DGKD: variants seen among roughly 807,000 people sequenced by gnomAD.
DGKD encodes the protein diacylglycerol kinase delta.
In DGKD, 68 loss-of-function variants were observed where a neutral mutation model predicts 154.4. The ratio of observed to expected loss-of-function variants is 0.44; its 90% confidence interval spans 0.36 to 0.54. DGKD has a LOEUF of 0.54. Among genes scored for constraint, DGKD ranks in the 20% least tolerant of loss-of-function variants. The pLI, the probability that DGKD is intolerant of heterozygous loss-of-function variation, is 0.00. For synonymous variants in DGKD, 693 were observed against 638.0 expected (o/e 1.09, Z -1.30); for missense variants, 1,343 against 1,593.6 (o/e 0.84, Z 2.68).
intron 3 of DGKD, among the ~76,000 whole-genome samples, chr2:233,392,762 C>T (rs1390473259): frequency 1.3e-5 from 2 of 152,120 alleles, no homozygotes; most frequent in East Asian, 1.9e-4. Flanking sequence ...GCATTTTGAT[C>T]ATTTTTTGAA....
chr2:233,450,759 C>G (rs1029932511), intron 16 of DGKD, among the ~76,000 whole-genome samples, 163 bp from the exon 17 acceptor site: 1 of 152,176 alleles, frequency 6.6e-6, no homozygotes, highest in Admixed American at 6.5e-5. Context: ...TGCACCCACT[C>G]GGTCCTCCGC....
intron 1 of DGKD, among the ~76,000 whole-genome samples, chr2:233,363,322 T>C (rs184272766): frequency 6.6e-6 from 1 of 152,202 alleles, no homozygotes; most frequent in Admixed American, 6.5e-5. Context: ...TTAACAAAAA[T>C]ATTTAAGAAG....
At chr2:233,418,014 G>A (rs1204505464) in intron 3 of DGKD, among the ~76,000 whole-genome samples, 3 of 152,158 alleles carry the variant, frequency 2.0e-5, no homozygotes, top group South Asian at 2.1e-4. Context: ...TAGTTATGGG[G>A]CCTTTTTCTG....
At chr2:233,425,160 A>T (rs1304967749) in intron 3 of DGKD, among the ~76,000 whole-genome samples, 1 of 151,892 alleles carries the variant, frequency 6.6e-6, no homozygotes, top group Admixed American at 6.6e-5. Flanking sequence ...TTTAATCCTT[A>T]ACATATAAAC....
chr2:233,395,508 C>G (rs1301482586), intron 3 of DGKD, among the ~76,000 whole-genome samples: 1 of 152,046 alleles, frequency 6.6e-6, no homozygotes, highest in African/African-American at 2.4e-5. Flanking sequence ...TACCTCTCTT[C>G]TACTTCCCTT....
In DGKD at chr2:233,448,258, C is replaced by T. The variant is rs1280206359; in HGVS notation, c.1515-18C>T. The stretch of plus-strand genomic sequence containing the variant: ...GAGCTGCCTCTCTAGAAGGGTCTTT[C>T]TGTTTTTCTCCCCACAGAGTGCTCT... On this transcript the variant is annotated intron_variant, in intron 13 of 29. Coordinates refer to ENST00000264057, the MANE Select transcript of DGKD (RefSeq NM_152879.3). 1 of 1,614,126 alleles carries T rather than the reference C, an allele frequency of 6.2e-7. No homozygotes were observed. Among genetic ancestry groups the T allele is most frequent in the East Asian group, 2.2e-5 (1 of 44,872 alleles).
intron 1 of DGKD, chr2:233,385,851 T>A (rs2125430358): frequency 2.3e-6 from 1 of 427,160 alleles, no homozygotes; most frequent in Non-Finnish European, 4.8e-6. Flanking sequence ...AAAGAAATAA[T>A]GGTCTTTATC....
At chr2:233,387,332 T>C (rs182035297) in intron 1 of DGKD, among the ~76,000 whole-genome samples, 1 of 152,338 alleles carries the variant, frequency 6.6e-6, no homozygotes, top group East Asian at 1.9e-4. Context: ...TCCATTTCCA[T>C]GCTGAGGCTC....
At chr2:233,382,165 C>T (rs1044989806) in intron 1 of DGKD, among the ~76,000 whole-genome samples, 1 of 152,124 alleles carries the variant, frequency 6.6e-6, no homozygotes, top group Non-Finnish European at 1.5e-5. Flanking sequence ...ACCTGGGAGG[C>T]GGAGGTTGCA....
intron 3 of DGKD, among the ~76,000 whole-genome samples, chr2:233,413,503 A>G (rs1559518040): frequency 6.6e-6 from 1 of 152,040 alleles, no homozygotes; most frequent in Non-Finnish European, 1.5e-5. Context: ...ATGGAGAAGT[A>G]GAAACTTTAT....
At chr2:233,372,587 A>G (rs1409149025) in intron 1 of DGKD, among the ~76,000 whole-genome samples, 4 of 151,922 alleles carry the variant, frequency 2.6e-5, no homozygotes, top group African/African-American at 4.8e-5. Flanking sequence ...GAATTAAGAC[A>G]TAAGTCTTTT....
intron 1 of DGKD, among the ~76,000 whole-genome samples, chr2:233,362,611 A>G (rs1701835173): frequency 6.6e-6 from 1 of 152,252 alleles, no homozygotes; most frequent in Non-Finnish European, 1.5e-5. Flanking sequence ...AGACCACACC[A>G]TTACACTACA....
chr2:233,375,505 C>T (rs896746553), intron 1 of DGKD, among the ~76,000 whole-genome samples: 1 of 152,038 alleles, frequency 6.6e-6, no homozygotes, highest in Non-Finnish European at 1.5e-5. Context: ...GCTGGTTGAG[C>T]ACATGCCAGG....
chr2:233,391,861 A>T (rs1703641685), intron 3 of DGKD, among the ~76,000 whole-genome samples: 1 of 152,016 alleles, frequency 6.6e-6, no homozygotes, highest in South Asian at 2.1e-4. Flanking sequence ...AACTGCTCTT[A>T]TTTTACTTGG....
In DGKD at chr2:233,434,843, C is replaced by T. The variant is rs747381293; in HGVS notation, c.528C>T (p.Tyr176=). The change falls in exon 5 of 30, where the codon TAC becomes TAT. Residue 176 remains tyrosine (Y), a synonymous_variant. Coordinates refer to ENST00000264057, the MANE Select transcript of DGKD (RefSeq NM_152879.3). ...CCTGTTCCCACGCGAGGCCGACCTA[C>T]TGCAATGTGTGCCGTGAGGCTCTGT... is the stretch of plus-strand genomic sequence containing the variant. ...WYACSHARPT[Y]CNVCREALSG... The T allele has an allele frequency of 1.9e-6, 3 of 1,614,230 alleles. No homozygotes were observed. In the South Asian group the frequency reaches 3.3e-5, roughly 18 times the overall value.
At chr2:233,423,539 C>T (rs1026689108) in intron 3 of DGKD, among the ~76,000 whole-genome samples, 6 of 152,092 alleles carry the variant, frequency 3.9e-5, no homozygotes, top group Admixed American at 6.5e-5. Flanking sequence ...TTGCCGCTTG[C>T]ATATCCTCTT....
intron 1 of DGKD, among the ~76,000 whole-genome samples, chr2:233,370,032 A>G (rs1702232780): frequency 1.3e-5 from 2 of 152,124 alleles, no homozygotes; most frequent in South Asian, 4.1e-4. Context: ...GTTAAGTGCC[A>G]TTAAGTACAT....
chr2:233,423,455 G>A (rs1370805263), intron 3 of DGKD, among the ~76,000 whole-genome samples: 5 of 152,274 alleles, frequency 3.3e-5, no homozygotes, highest in Middle Eastern at 3.4e-3. Context: ...TGATAGGTGC[G>A]TAGGGCTCTC....
At chr2:233,367,725 A>G (rs1409229683) in intron 1 of DGKD, among the ~76,000 whole-genome samples, 1 of 152,136 alleles carries the variant, frequency 6.6e-6, no homozygotes, top group Non-Finnish European at 1.5e-5. Flanking sequence ...ATATCCCTAA[A>G]TATGGAATGC....
Sources: allele counts gnomAD v4.1 joint callset (sites outside exome capture counted in the v4.1 genomes callset), GRCh38; gene constraint gnomAD v4.1.1; transcripts MANE v1.5; gene names NCBI Gene and HGNC (gene_info 2026-07-23, HGNC 2026-07-21).